The following SART3 variants were observed in gnomAD, a reference collection of about 807,000 sequenced individuals.
The protein encoded by SART3 is HIV-1 Tat-interacting protein of 110kDa.
In SART3, 44 loss-of-function variants were observed where a neutral mutation model predicts 122.3. The observed-to-expected ratio is 0.36, with a 90% CI of 0.28 to 0.46. The LOEUF is 0.46. Among genes scored for constraint, SART3 ranks in the 20% least tolerant of loss-of-function variants. The pLI is 1.00. For synonymous variants in SART3, 442 were observed against 454.0 expected (o/e 0.97, Z 0.34); for missense variants, 1,101 against 1,229.0 (o/e 0.90, Z 1.56).
In SART3 at chr12:108,546,022, C is replaced by T. The variant is rs1382878920; in HGVS notation, c.545-699G>A. Among the ~76,000 whole-genome samples, 6 of 150,596 alleles carry T rather than the reference C, an allele frequency of 4.0e-5. No individual in the cohort carries two copies. In the South Asian group the frequency reaches 1.0e-3, roughly 26 times the overall value. On this transcript the variant is annotated intron_variant, in intron 3 of 18. Coordinates refer to ENST00000546815, the MANE Select transcript of SART3 (RefSeq NM_014706.4). Reference sequence around the variant, plus strand: ...ATAGTTTTATATTCATAAAACACCGCTTATTTTCATTATTCAGATTATAAA... The same window carrying T: ...ATAGTTTTATATTCATAAAACACCGTTTATTTTCATTATTCAGATTATAAA...
At chr12:108,539,723 A>G (rs947033871) in intron 6 of SART3, among the ~76,000 whole-genome samples, 5 of 152,234 alleles carry the variant, frequency 3.3e-5, no homozygotes, top group Non-Finnish European at 7.3e-5. Flanking sequence ...CAAATCATTT[A>G]CACATGAAAA....
At chr12:108,560,408 T>C (rs1215506021) in intron 1 of SART3, 4 of 255,486 alleles carry the variant, frequency 1.6e-5, no homozygotes, top group Non-Finnish European at 2.2e-5. Flanking sequence ...AATATTTTTC[T>C]TACCACAAGT....
At chr12:108,546,258 G>A (rs1308375606) in intron 3 of SART3, among the ~76,000 whole-genome samples, 3 of 152,112 alleles carry the variant, frequency 2.0e-5, no homozygotes, top group Admixed American at 6.5e-5. Context: ...AGCGTGCAGA[G>A]GCATGATCAC....
Position 108,536,880 on chromosome 12 carries a change from T to C in SART3, c.1310-95A>G, listed in dbSNP as rs527376731. On this transcript the variant is annotated intron_variant, in intron 9 of 18. Coordinates refer to ENST00000546815, the MANE Select transcript of SART3 (RefSeq NM_014706.4). Reference sequence around the variant, plus strand: ...GCTGAAACTGCCTGGAGACCCACTATGTACCTGGCATCATGCAAGGGACAC... The same window carrying C: ...GCTGAAACTGCCTGGAGACCCACTACGTACCTGGCATCATGCAAGGGACAC... 1.0e-5 allele frequency: 11 copies of C among 1,083,392 alleles called. 2 individuals carry two copies. The highest frequency in any genetic ancestry group is 9.3e-5 in the South Asian group (7 of 75,348). The allele number at this position is 1,083,392 out of a possible 1,614,324, so 67.1% of individuals were successfully genotyped here. A position where few individuals can be genotyped will look rare whatever the true frequency, so the allele number is the denominator to read the frequency against.
chr12:108,523,844 A>G, intron 18 of SART3: 1 of 618,186 alleles, frequency 1.6e-6, no homozygotes, highest in Non-Finnish European at 2.8e-6. Flanking sequence ...GCAAAGATCA[A>G]CCCTGAGCAC....
intron 6 of SART3, among the ~76,000 whole-genome samples, chr12:108,541,697 C>T (rs1445306664): frequency 6.6e-6 from 1 of 152,004 alleles, no homozygotes; most frequent in Non-Finnish European, 1.5e-5. Flanking sequence ...CGCCACCATG[C>T]CCAGCTAATT....
chr12:108,536,610 G>A (rs1298493441), intron 10 of SART3, 38 bp from the exon 11 acceptor site: 1 of 1,611,868 alleles, frequency 6.2e-7, no homozygotes, highest in East Asian at 2.2e-5. Context: ...AAAGGAACTT[G>A]GAGACAGATA....
intron 1 of SART3, among the ~76,000 whole-genome samples, chr12:108,556,727 A>C (rs937056769): frequency 6.6e-6 from 1 of 152,278 alleles, no homozygotes; most frequent in Non-Finnish European, 1.5e-5. Flanking sequence ...TCACCTATCA[A>C]GTGTGTCACA....
chr12:108,524,916 CTTT>C (rs1222846823), intron 17 of SART3: 2 of 321,146 alleles, frequency 6.2e-6, no homozygotes, highest in Non-Finnish European at 1.2e-5. Flanking sequence ...ATTTCATCCT[CTTT>C]TTCTCTCCAT....
At chr12:108,531,341 A>C (rs1872670701) in intron 13 of SART3, 61 bp from the exon 14 acceptor site, 2 of 1,326,230 alleles carry the variant, frequency 1.5e-6, no homozygotes, top group Non-Finnish European at 2.2e-6. Flanking sequence ...CAATCACATA[A>C]ATTTTTCTTA....
At position 108,547,996 on chromosome 12, in the gene SART3, G is replaced by C. The variant is rs756423345; in HGVS notation, c.440-5C>G. On this transcript the variant is annotated splice_polypyrimidine_tract_variant and splice_region_variant and intron_variant, in intron 2 of 18. Coordinates refer to ENST00000546815, the MANE Select transcript of SART3 (RefSeq NM_014706.4). ...GCAGCCACTCCAGCCAGAGCTCTAC[G>C]AGACAAAAATACTTCCCGCATTAAT... 1.9e-6 allele frequency: 3 copies of C among 1,611,594 alleles called. No individual in the cohort carries two copies. In the African/African-American group the frequency reaches 4.0e-5, roughly 22 times the overall value.
At chr12:108,523,983 C>T (rs1872251651) in intron 18 of SART3, 3 of 545,736 alleles carry the variant, frequency 5.5e-6, no homozygotes, top group East Asian at 6.4e-5. Flanking sequence ...TAGCTAGGGC[C>T]GTAGACTGGC....
intron 16 of SART3, 141 bp downstream of exon 16, chr12:108,525,958 T>G: frequency 1.3e-6 from 1 of 744,016 alleles, no homozygotes; most frequent in South Asian, 1.7e-5. Flanking sequence ...CGGCTCAGGA[T>G]GGACCTTGGC....
At chr12:108,555,489 A>C (rs2136696170) in intron 1 of SART3, among the ~76,000 whole-genome samples, 1 of 152,208 alleles carries the variant, frequency 6.6e-6, no homozygotes, top group South Asian at 2.1e-4. Flanking sequence ...ACAGGGCAAA[A>C]CCCCGTCTCT....
chr12:108,559,814 TC>T (rs1376815677), intron 1 of SART3, among the ~76,000 whole-genome samples: 2 of 152,062 alleles, frequency 1.3e-5, no homozygotes, highest in African/African-American at 4.8e-5. Context: ...TCCAGATGGG[TC>T]TGCCCAGCAG....
chr12:108,529,698 G>A (rs140112262), intron 15 of SART3, among the ~76,000 whole-genome samples: 17 of 152,238 alleles, frequency 1.1e-4, no homozygotes, highest in African/African-American at 1.7e-4. Context: ...ATTCCTGCCC[G>A]AGATGCATGA....
rs201128004 is a variant in SART3 at position 108,549,121 on chromosome 12, G to T, written c.406C>A (p.Gln136Lys). Residue 136 changes from glutamine (Q) to lysine (K), a missense_variant, in exon 2 of 19, where the codon CAG becomes AAG. Coordinates refer to ENST00000546815, the MANE Select transcript of SART3 (RefSeq NM_014706.4). The part of the protein sequence containing the change: ...GELTKVRMAR[Q>K]KMSEIFPLTE... ...AAGGGAAAGATTTCACTCATCTTCT[G>T]GCGGGCCATCCTCACCTTGGTAAGC... The T allele has an allele frequency of 9.1e-5, 147 of 1,614,050 alleles. No homozygotes were observed. Among genetic ancestry groups the T allele is most frequent in the Non-Finnish European group, 2.1e-5 (25 of 1,180,020 alleles).
intron 9 of SART3, 145 bp downstream of exon 9, chr12:108,537,343 G>C: frequency 1.5e-6 from 1 of 678,880 alleles, no homozygotes; most frequent in Non-Finnish European, 2.7e-6. Context: ...GACAGAAATT[G>C]CTAAGATTTC....
At chr12:108,532,968 G>A (rs1461762400) in intron 12 of SART3, among the ~76,000 whole-genome samples, 4 of 152,272 alleles carry the variant, frequency 2.6e-5, no homozygotes, top group South Asian at 2.1e-4. Context: ...TGGCAAGGCT[G>A]GTCGCAAACA....
Sources: allele counts gnomAD v4.1 joint callset (sites outside exome capture counted in the v4.1 genomes callset), GRCh38; gene constraint gnomAD v4.1.1; transcripts MANE v1.5; gene names NCBI Gene and HGNC (gene_info 2026-07-23, HGNC 2026-07-21).